The following ARHGAP28 variants were observed in gnomAD, a reference collection of about 807,000 sequenced individuals.
The protein encoded by ARHGAP28 is Rho GTPase activating protein 28.
ARHGAP28 carries 56 observed loss-of-function variants against 90.7 expected under a neutral mutation model. The observed-to-expected ratio is 0.62, with a 90% CI of 0.50 to 0.77. ARHGAP28 has a LOEUF of 0.77. Among genes scored for constraint, ARHGAP28 ranks in the 30% least tolerant of loss-of-function variants. ARHGAP28 has a pLI of 0.00. For missense variants in ARHGAP28, 869 were observed against 900.9 expected, an observed-to-expected ratio of 0.96 and a Z score of 0.45; for synonymous variants, 308 against 323.3, an observed-to-expected ratio of 0.95 and a Z score of 0.51.
intron 1 of ARHGAP28, among the ~76,000 whole-genome samples, chr18:6,787,873 A>T (rs1214711890): frequency 6.6e-6 from 1 of 152,108 alleles, no homozygotes; most frequent in African/African-American, 2.4e-5. Context: ...CCTATCCATC[A>T]CAGTTGGATT....
At chr18:6,760,111 A>AACAC (rs145774328) in intron 1 of ARHGAP28, among the ~76,000 whole-genome samples, 2 of 151,924 alleles carry the variant, frequency 1.3e-5, no homozygotes, top group East Asian at 1.9e-4. Context: ...TGTAAGTTCA[A>AACAC]ACACACACAC....
At chr18:6,744,658 G>T (rs182294334) in intron 1 of ARHGAP28, among the ~76,000 whole-genome samples, 1 of 152,204 alleles carries the variant, frequency 6.6e-6, no homozygotes, top group Admixed American at 6.5e-5. Context: ...TACTCAAAGT[G>T]GAGCTTGGTT....
chr18:6,772,781 C>T (rs2056253708), intron 1 of ARHGAP28, among the ~76,000 whole-genome samples: 1 of 151,816 alleles, frequency 6.6e-6, no homozygotes, highest in African/African-American at 2.4e-5. Flanking sequence ...GTTGCCCAGG[C>T]TGGAGTGCAA....
At chr18:6,815,145 A>G (rs925487223) in intron 1 of ARHGAP28, among the ~76,000 whole-genome samples, 5 of 152,228 alleles carry the variant, frequency 3.3e-5, no homozygotes, top group Non-Finnish European at 5.9e-5. Context: ...TATAAATTGC[A>G]TATTAGTTTT....
At chr18:6,835,265 A>G (rs2056744688) in intron 2 of ARHGAP28, among the ~76,000 whole-genome samples, 2 of 152,190 alleles carry the variant, frequency 1.3e-5, no homozygotes, top group African/African-American at 4.8e-5. Flanking sequence ...AAATTTTAAT[A>G]TTAACATATT....
intron 5 of ARHGAP28, 88 bp from the exon 6 acceptor site, chr18:6,868,062 T>C (rs577334203): frequency 9.3e-7 from 1 of 1,070,048 alleles, no homozygotes; most frequent in African/African-American, 1.6e-5. Flanking sequence ...ATAACTCTTG[T>C]ATACTGCAGA....
chr18:6,769,909 A>G (rs1034499509), intron 1 of ARHGAP28, among the ~76,000 whole-genome samples: 9 of 152,230 alleles, frequency 5.9e-5, no homozygotes, highest in African/African-American at 2.2e-4. Context: ...TATTTTGGAA[A>G]ACAAATACCC....
chr18:6,745,574 A>G (rs1310978201), intron 1 of ARHGAP28, among the ~76,000 whole-genome samples: 3 of 152,228 alleles, frequency 2.0e-5, no homozygotes, highest in African/African-American at 4.8e-5. Flanking sequence ...ACTACCATCC[A>G]AAACAAGATA....
chr18:6,784,839 T>C (rs2056353896), intron 1 of ARHGAP28, among the ~76,000 whole-genome samples: 1 of 152,230 alleles, frequency 6.6e-6, no homozygotes, highest in African/African-American at 2.4e-5. Flanking sequence ...TAAAGATATC[T>C]GATTATAATC....
At chr18:6,730,917 G>T (rs1477733374) in intron 1 of ARHGAP28, among the ~76,000 whole-genome samples, 1 of 152,006 alleles carries the variant, frequency 6.6e-6, no homozygotes, top group African/African-American at 2.4e-5. Context: ...AATTACTTCT[G>T]TTTCCTAATT....
chr18:6,776,312 C>T (rs890085765), intron 1 of ARHGAP28, among the ~76,000 whole-genome samples: 9 of 152,284 alleles, frequency 5.9e-5, no homozygotes, highest in Middle Eastern at 6.8e-3. Flanking sequence ...CAAACCCCAG[C>T]GGTGGTGTTT....
At chr18:6,877,736 C>T (rs562606651) in intron 10 of ARHGAP28, among the ~76,000 whole-genome samples, 1 of 152,254 alleles carries the variant, frequency 6.6e-6, no homozygotes, top group African/African-American at 2.4e-5. Context: ...GTCTCCGTTT[C>T]TCGTGTGTTT....
chr18:6,889,490 TA>T (rs1300392394), intron 12 of ARHGAP28, among the ~76,000 whole-genome samples: 1 of 152,220 alleles, frequency 6.6e-6, no homozygotes, highest in African/African-American at 2.4e-5. Flanking sequence ...TGCTTTAAGT[TA>T]AGGGTATTTT....
intron 1 of ARHGAP28, among the ~76,000 whole-genome samples, chr18:6,811,106 GA>G (rs1265641797): frequency 6.7e-6 from 1 of 148,786 alleles, no homozygotes; most frequent in Non-Finnish European, 1.5e-5. Flanking sequence ...CCTATCAGCT[GA>G]GTCAAATATT....
At chr18:6,878,604 C>T (rs1286093407) in intron 10 of ARHGAP28, among the ~76,000 whole-genome samples, 3 of 152,182 alleles carry the variant, frequency 2.0e-5, no homozygotes, top group African/African-American at 7.2e-5. Context: ...AAAGGCTAAT[C>T]GTTCCTTCAG....
intron 14 of ARHGAP28, among the ~76,000 whole-genome samples, chr18:6,894,514 G>A (rs980172361): frequency 1.3e-5 from 2 of 152,158 alleles, no homozygotes; most frequent in African/African-American, 4.8e-5. Context: ...TTGCTTCTCT[G>A]CTTCTTTTGC....
chr18:6,873,610 C>T lies in ARHGAP28; in HGVS notation c.1120+36C>T, dbSNP rs76543291. 607 of 1,610,036 alleles carry T rather than the reference C, an allele frequency of 3.8e-4. 6 individuals are homozygous for T. The African/African-American group carries it at 6.2e-3, about 16-fold the overall frequency. On this transcript the variant is annotated intron_variant, in intron 8 of 17. Coordinates refer to ENST00000383472, the MANE Select transcript of ARHGAP28 (RefSeq NM_001366230.1). ...AGACTGATTGCTTCTGGCTTTAACA[C>T]TTTGACACAGTGGAATAAGATAATG...
chr18:6,808,580 A>G (rs879404678), intron 1 of ARHGAP28, among the ~76,000 whole-genome samples: 1 of 152,194 alleles, frequency 6.6e-6, no homozygotes, highest in Non-Finnish European at 1.5e-5. Context: ...TTTCTTGTGG[A>G]TATTTTTTCG....
At chr18:6,879,643 T>C (rs1669807360) in intron 10 of ARHGAP28, among the ~76,000 whole-genome samples, 1 of 152,194 alleles carries the variant, frequency 6.6e-6, no homozygotes, top group African/African-American at 2.4e-5. Flanking sequence ...GCGGTATTAT[T>C]CCCTAAACAG....
Sources: allele counts gnomAD v4.1 joint callset (sites outside exome capture counted in the v4.1 genomes callset), GRCh38; gene constraint gnomAD v4.1.1; transcripts MANE v1.5; gene names NCBI Gene and HGNC (gene_info 2026-07-23, HGNC 2026-07-21).